Variants in MACF1 observed in about 807,000 individuals in gnomAD.
MACF1 encodes microtubule-actin cross-linking factor 1.
MACF1 carries 193 observed loss-of-function variants against 854.8 expected under a neutral mutation model. The ratio of observed to expected loss-of-function variants is 0.23; its 90% CI spans 0.20 to 0.25. The LOEUF (loss-of-function observed/expected upper bound fraction) is 0.25, where lower values mean the gene tolerates loss of function less well. Among genes scored for constraint, MACF1 ranks in the 10% least tolerant of loss-of-function variants. The probability of loss-of-function intolerance (pLI) is 1.00; values close to 1 mark genes in which losing one functional copy is unlikely to be tolerated. For missense variants in MACF1, 7,722 were observed against 8,929.1 expected, an observed-to-expected ratio of 0.86 and a Z score of 5.45; for synonymous variants, 3,185 against 3,226.7, an observed-to-expected ratio of 0.99 and a Z score of 0.44.
intron 2 of MACF1, among the ~76,000 whole-genome samples, chr1:39,129,785 A>G (rs776505655): frequency 6.6e-6 from 1 of 151,982 alleles, no homozygotes; most frequent in Non-Finnish European, 1.5e-5. Context: ...CACACACATT[A>G]TTGGTTAGTT....
chr1:39,171,743 A>T (rs1385743612), intron 2 of MACF1, among the ~76,000 whole-genome samples: 6 of 152,052 alleles, frequency 3.9e-5, no homozygotes, highest in Admixed American at 3.9e-4. Flanking sequence ...CTCCTGCCTC[A>T]GCTTCCCGAG....
chr1:39,337,562 A>ATT (rs35312351), intron 38 of MACF1, among the ~76,000 whole-genome samples: 27,020 of 99,710 alleles, frequency 0.27, 5,159 homozygotes, highest in African/African-American at 0.31. Flanking sequence ...AATTACTACC[A>ATT]TTTTTTTTTT....
At chr1:39,470,530 T>C (rs1422735337) in intron 97 of MACF1, among the ~76,000 whole-genome samples, 2 of 152,174 alleles carry the variant, frequency 1.3e-5, no homozygotes, top group African/African-American at 4.8e-5. Context: ...TGTGTAGTCC[T>C]AACTACTCTG....
intron 5 of MACF1, among the ~76,000 whole-genome samples, chr1:39,257,087 A>G (rs562417014): frequency 6.6e-6 from 1 of 152,358 alleles, no homozygotes; most frequent in African/African-American, 2.4e-5. Context: ...TATACCCTAA[A>G]GAAATTACTG....
chr1:39,481,667 C>T (rs964454540), intron 99 of MACF1, among the ~76,000 whole-genome samples: 13 of 152,152 alleles, frequency 8.5e-5, no homozygotes, highest in African/African-American at 3.1e-4. Flanking sequence ...TCAAGTGCAG[C>T]CATTAAAGTG....
intron 1 of MACF1, among the ~76,000 whole-genome samples, chr1:39,222,715 C>A (rs1340171293): frequency 6.6e-6 from 1 of 152,302 alleles, no homozygotes; most frequent in South Asian, 2.1e-4. Context: ...TTGTAAACTT[C>A]ATGCGGTCAC....
At chr1:39,365,698 T>C (rs1225175481) in intron 49 of MACF1, among the ~76,000 whole-genome samples, 5 of 151,582 alleles carry the variant, frequency 3.3e-5, no homozygotes, top group Non-Finnish European at 1.5e-5. Flanking sequence ...TTTTTTGAGA[T>C]GGGATCTTGT....
chr1:39,199,590 G>T (rs1644364452), intron 2 of MACF1, among the ~76,000 whole-genome samples: 1 of 151,972 alleles, frequency 6.6e-6, no homozygotes, highest in Non-Finnish European at 1.5e-5. Flanking sequence ...TATAAAATGG[G>T]GTAATAATAT....
At chr1:39,411,840 T>C (rs548917843) in intron 58 of MACF1, 3 of 1,613,928 alleles carry the variant, frequency 1.9e-6, no homozygotes, top group East Asian at 2.2e-5. Context: ...GCCTTTTACA[T>C]GTAAGGGCAA....
chr1:39,328,935 A>T (rs569500935), intron 36 of MACF1, among the ~76,000 whole-genome samples: 2 of 152,082 alleles, frequency 1.3e-5, no homozygotes, highest in Admixed American at 1.3e-4. Context: ...CATTTTTGAG[A>T]CTCCATGAAT....
intron 20 of MACF1, among the ~76,000 whole-genome samples, chr1:39,296,115 T>TG (rs1272503557): frequency 1.3e-5 from 2 of 152,302 alleles, no homozygotes; most frequent in East Asian, 3.9e-4. Flanking sequence ...GCAGACAGGC[T>TG]GGGGGCTGGT....
At chr1:39,184,631 A>G (rs560130358) in intron 2 of MACF1, among the ~76,000 whole-genome samples, 3 of 152,158 alleles carry the variant, frequency 2.0e-5, no homozygotes, top group Admixed American at 6.5e-5. Context: ...TTCAGTCAGG[A>G]TAAGTCTTAG....
In MACF1 at chr1:39,430,034, G is replaced by A; in HGVS notation, c.17096G>A (p.Gly5699Glu). Residue 5699 changes from glycine to glutamate, a missense_variant, in exon 65 of 101, where the codon GGG (glycine) becomes GAG (glutamate). Around this residue, in one of 15 missense-constraint regions of MACF1, gnomAD observed 2,807 missense variants for 3,235.8 expected, o/e 0.87. Coordinates refer to ENST00000564288, the MANE Select transcript of MACF1 (RefSeq NM_001394062.1). ...LATSGGQSPT[G>E]EQIPQFQQRQ... Reference sequence around the variant, plus strand: ...ACCAGTGGAGGACAGTCTCCCACAGGGGAACAGATACCCCAGTTTCAGCAG... The same window carrying A: ...ACCAGTGGAGGACAGTCTCCCACAGAGGAACAGATACCCCAGTTTCAGCAG... 6.2e-7 allele frequency: 1 copy of A among 1,613,844 alleles called. No homozygotes were observed. Among genetic ancestry groups the A allele is most frequent in the Non-Finnish European group, 8.5e-7 (1 of 1,179,878 alleles).
In MACF1 at chr1:39,413,195, C is replaced by G. The variant is rs2148618148; in HGVS notation, c.15817-9179C>G. On this transcript the variant is annotated intron_variant, in intron 58 of 100. Coordinates refer to ENST00000564288, the MANE Select transcript of MACF1 (RefSeq NM_001394062.1). ...GGTACACCAGAAGGGCCTGTCACCCCAGCTACCACAGTGCATGCTCCAGAG... is the reference window on the plus strand; with the variant it reads ...GGTACACCAGAAGGGCCTGTCACCCGAGCTACCACAGTGCATGCTCCAGAG... The G allele has an allele frequency of 2.5e-6, 4 of 1,613,540 alleles. No homozygotes were observed. The East Asian group carries it at 8.9e-5, about 36-fold the overall frequency.
intron 2 of MACF1, among the ~76,000 whole-genome samples, chr1:39,240,077 T>A (rs1644905213): frequency 6.6e-6 from 1 of 152,038 alleles, no homozygotes; most frequent in Non-Finnish European, 1.5e-5. Flanking sequence ...TATTTCTGTT[T>A]GAGACTCTCT....
chr1:39,473,651 G>A (rs1644820130), intron 97 of MACF1, among the ~76,000 whole-genome samples: 1 of 152,166 alleles, frequency 6.6e-6, no homozygotes. Flanking sequence ...CTCAATGGAA[G>A]CACTTAGTGA....
rs1354423731 is a variant in MACF1, at chr1:39,235,066, C to T, written c.171+3823C>T. On this transcript the variant is annotated intron_variant, in intron 2 of 100. Transcript: ENST00000564288. ...GGCTCCTCACATCCCAGATGATGGG[C>T]GGCCAGGCAGAGACGCTCCTCACTT... Among the ~76,000 whole-genome samples the T allele has an allele frequency of 2.5e-4, 38 of 151,808 alleles. No homozygotes were observed. The South Asian group carries it at 6.8e-3, about 27-fold the overall frequency.
In MACF1 at chr1:39,299,122, G is replaced by T. The variant is rs1487734165; in HGVS notation, c.2482-1088G>T. Reference sequence around the variant, plus strand: ...GTTAGACAGAAATTGACATCTTATTGCAAGGAAACTGAAATGGGTAGACCA... The same window carrying T: ...GTTAGACAGAAATTGACATCTTATTTCAAGGAAACTGAAATGGGTAGACCA... On this transcript the variant is annotated intron_variant, in intron 21 of 100. Coordinates refer to ENST00000564288, the MANE Select transcript of MACF1 (RefSeq NM_001394062.1). 3.1e-5 allele frequency: 13 copies of T among 412,970 alleles called. 1 individual carries two copies. The highest frequency in any genetic ancestry group is 2.3e-4 in the South Asian group (13 of 55,998). 25.6% of individuals were successfully genotyped at this position (412,970 alleles called of 1,614,324 possible).
At chr1:39,175,199 T>G (rs185724137) in intron 2 of MACF1, among the ~76,000 whole-genome samples, 225 of 152,196 alleles carry the variant, frequency 1.5e-3, no homozygotes, top group Non-Finnish European at 2.9e-3. Flanking sequence ...AGTTTACACA[T>G]AAAGTGAGGA....
Sources: allele counts gnomAD v4.1 joint callset (sites outside exome capture counted in the v4.1 genomes callset), GRCh38; gene constraint gnomAD v4.1.1; regional missense constraint gnomAD v4.1.1; transcripts MANE v1.5; gene names NCBI Gene and HGNC (gene_info 2026-07-23, HGNC 2026-07-21).